NEBL: variants seen among roughly 807,000 people sequenced by gnomAD.
The protein encoded by NEBL is LIM and SH3 protein 2.
A neutral mutation model predicts 140.2 loss-of-function variants in NEBL; 122 were observed. The observed-to-expected ratio is 0.87, with a 90% CI of 0.75 to 1.01. NEBL has a LOEUF of 1.01. Ranked by LOEUF, NEBL falls within the 50% of genes least tolerant of loss-of-function variation. The probability of loss-of-function intolerance (pLI) is 0.00; values close to 1 mark genes in which losing one functional copy is unlikely to be tolerated. For synonymous variants in NEBL, 436 were observed against 398.9 expected, an observed-to-expected ratio of 1.09 and a Z score of -1.11; for missense variants, 1,365 against 1,231.3, an observed-to-expected ratio of 1.11 and a Z score of -1.62.
chr10:21,081,192 C>A (rs1323440051), intron 2 of NEBL, among the ~76,000 whole-genome samples: 4 of 152,166 alleles, frequency 2.6e-5, no homozygotes, highest in Non-Finnish European at 5.9e-5. Flanking sequence ...CCAACCCCAA[C>A]AAACTGCAAT....
chr10:20,983,587 G>C (rs890101404), intron 3 of NEBL, among the ~76,000 whole-genome samples: 1 of 152,186 alleles, frequency 6.6e-6, no homozygotes, highest in African/African-American at 2.4e-5. Flanking sequence ...CTGTCCATAG[G>C]TATTCACAAG....
chr10:20,974,298 G>C (rs11012432), intron 3 of NEBL, among the ~76,000 whole-genome samples: 166 of 148,266 alleles, frequency 1.1e-3, no homozygotes, highest in African/African-American at 4.0e-3. Flanking sequence ...CTGTTGCCCA[G>C]ACTGGAATGC....
rs71390799 is a variant in NEBL at position 20,923,666 on chromosome 10, C to CAAA, written c.357+38003_357+38005dup. On this transcript the variant is annotated intron_variant, in intron 4 of 6. Transcript: ENST00000417816. ...TGCACTCCAGAGCAAGACTCCGTCT[C>CAAA]AAAAAAAAAAAAAAAAAAAAAAAAA... Among the ~76,000 whole-genome samples, 112 of 28,346 alleles carry CAAA rather than the reference C, an allele frequency of 4.0e-3. 9 individuals are homozygous for CAAA. Among genetic ancestry groups the CAAA allele is most frequent in the Admixed American group, 5.0e-3 (8 of 1,598 alleles). The allele number at this position is 28,346 out of a possible 152,430, so 18.6% of individuals were successfully genotyped here.
chr10:21,207,973 A>G (rs1006232370), intron 3 of NEBL, among the ~76,000 whole-genome samples: 4 of 152,246 alleles, frequency 2.6e-5, no homozygotes, highest in African/African-American at 9.6e-5. Context: ...CAGGACCAAC[A>G]GGTTCATATG....
chr10:21,036,730 C>A (rs1239511694), intron 2 of NEBL, among the ~76,000 whole-genome samples: 1 of 151,962 alleles, frequency 6.6e-6, no homozygotes, highest in East Asian at 2.0e-4. Context: ...GAGGCATCTA[C>A]CCCAGGTACA....
At chr10:21,288,192 G>A (rs1008368566) in intron 1 of NEBL, among the ~76,000 whole-genome samples, 7 of 152,190 alleles carry the variant, frequency 4.6e-5, no homozygotes, top group South Asian at 2.1e-4. Flanking sequence ...GCTGCCAGCC[G>A]GGCATGGTGG....
intron 1 of NEBL, among the ~76,000 whole-genome samples, chr10:21,256,186 G>A (rs1359624245): frequency 6.6e-6 from 1 of 151,956 alleles, no homozygotes; most frequent in South Asian, 2.1e-4. Flanking sequence ...TCCTGCCTCA[G>A]CCTCTTTAGT....
chr10:20,937,685 C>T (rs554384305), intron 4 of NEBL, among the ~76,000 whole-genome samples: 1 of 152,140 alleles, frequency 6.6e-6, no homozygotes, highest in Non-Finnish European at 1.5e-5. Flanking sequence ...AATTCCCTTT[C>T]CTAGTCAAAG....
intron 2 of NEBL, among the ~76,000 whole-genome samples, chr10:21,160,752 G>A (rs1367483761): frequency 6.6e-6 from 1 of 151,726 alleles, no homozygotes; most frequent in Non-Finnish European, 1.5e-5. Context: ...CTTGAGAAAA[G>A]AAGATTCTTC....
At chr10:20,889,678 A>C (rs1488365720) in intron 3 of NEBL, among the ~76,000 whole-genome samples, 167 bp downstream of exon 3, 1 of 152,216 alleles carries the variant, frequency 6.6e-6, no homozygotes, top group Non-Finnish European at 1.5e-5. Context: ...CTGTCAATCT[A>C]TATGAGTTAA....
chr10:21,172,493 A>C (rs750043613), intron 1 of NEBL: 151 of 1,598,618 alleles, frequency 9.4e-5, no homozygotes, highest in Non-Finnish European at 1.2e-4. Flanking sequence ...AAAAAAAAAA[A>C]AACATTTAAA....
At chr10:21,020,201 T>C (rs1838729202) in exon 3 of NEBL, 1 of 1,613,590 alleles carries the variant, frequency 6.2e-7, no homozygotes, top group African/African-American at 1.3e-5. Flanking sequence ...TCGGGTAGTG[T>C]CTGTGGGGAA....
rs1200875272 is a variant in NEBL at position 20,831,498 on chromosome 10, T to G, written c.1535A>C (p.Lys512Thr). Residue 512 changes from lysine (K) to threonine (T), a missense_variant, in exon 15 of 28, where the codon AAG becomes ACG. By Grantham distance (78) the Lys-to-Thr change is moderately conservative. This residue lies in a region of NEBL where 1,323 missense variants were observed against 1,154.8 expected (regional missense o/e 1.15). Transcript: ENST00000377122. ...STDTLDVQRA[K>T]KASEMASQKQ... ...CTGGCTGGCCATCTCGGATGCTTTC[T>G]TAGCTCTCTGGACATCAAGAGTGTC... The G allele has an allele frequency of 6.2e-7, 1 of 1,611,892 alleles. No individual in the cohort carries two copies. The highest frequency in any genetic ancestry group is 1.7e-5 in the Admixed American group (1 of 59,810).
chr10:20,921,459 T>G (rs976550028), intron 4 of NEBL, among the ~76,000 whole-genome samples: 3 of 152,052 alleles, frequency 2.0e-5, no homozygotes, highest in Non-Finnish European at 4.4e-5. Flanking sequence ...GGTAGGGTAT[T>G]TCTTCCTCAC....
At chr10:21,286,008 T>G (rs1042019869) in intron 1 of NEBL, among the ~76,000 whole-genome samples, 1 of 152,176 alleles carries the variant, frequency 6.6e-6, no homozygotes, top group Admixed American at 6.5e-5. Flanking sequence ...CCTTCTGGCT[T>G]TTTACATCAC....
chr10:20,813,881 G>A (rs1028517241), intron 23 of NEBL, 58 bp downstream of exon 23: 34 of 1,076,390 alleles, frequency 3.2e-5, no homozygotes, highest in Admixed American at 8.5e-5. Flanking sequence ...AATGCCATCC[G>A]TGCACTGGAT....
chr10:21,110,710 G>GC (rs980825070), intron 2 of NEBL: 115 of 494,016 alleles, frequency 2.3e-4, no homozygotes, highest in Non-Finnish European at 5.6e-5. Context: ...ATGGACATGA[G>GC]CCCCCTGAGG....
intron 4 of NEBL, among the ~76,000 whole-genome samples, chr10:20,952,062 A>T (rs1835499049): frequency 6.6e-6 from 1 of 152,132 alleles, no homozygotes; most frequent in African/African-American, 2.4e-5. Context: ...AAACTTAAAA[A>T]CTTCACTACA....
At chr10:20,856,864 T>C (rs1284594318) in intron 9 of NEBL, among the ~76,000 whole-genome samples, 1 of 152,106 alleles carries the variant, frequency 6.6e-6, no homozygotes, top group Non-Finnish European at 1.5e-5. Flanking sequence ...TTAGACAGAG[T>C]CTCACTCTTG....
Sources: allele counts gnomAD v4.1 joint callset (sites outside exome capture counted in the v4.1 genomes callset), GRCh38; gene constraint gnomAD v4.1.1; regional missense constraint gnomAD v4.1.1; transcripts MANE v1.5; gene names NCBI Gene and HGNC (gene_info 2026-07-23, HGNC 2026-07-21).